The following SAMD5 variants were observed in gnomAD, a reference collection of about 807,000 sequenced individuals.
The protein encoded by SAMD5 is sterile alpha motif domain-containing protein 5.
In SAMD5, 13 loss-of-function variants were observed where a neutral mutation model predicts 11.3. That is an observed-to-expected ratio of 1.15 (90% confidence interval 0.75 to 1.83). The LOEUF (loss-of-function observed/expected upper bound fraction) is 1.83. SAMD5 is among the 40% of genes most tolerant of loss of function. SAMD5 has a pLI of 0.00. For missense variants in SAMD5, 255 were observed against 239.1 expected (o/e 1.07, Z -0.44); for synonymous variants, 129 against 111.3 (o/e 1.16, Z -1.00).
the SAMD5 span, among the ~76,000 whole-genome samples, chr6:147,893,871 A>ATCTTTG: frequency 6.6e-6 from 1 of 152,184 alleles, no homozygotes; most frequent in Admixed American, 6.5e-5. Context: ...CTCTAGATGT[A>ATCTTTG]AGTTTGCATA....
intron 1 of SAMD5, among the ~76,000 whole-genome samples, chr6:147,637,788 C>T (rs577449163): frequency 2.0e-5 from 3 of 152,074 alleles, no homozygotes; most frequent in African/African-American, 2.4e-5. Context: ...TTCAGGAAAA[C>T]GAATGGTAGG....
At chr6:147,841,682 G>A in the SAMD5 span, among the ~76,000 whole-genome samples, 332 of 152,242 alleles carry the variant, frequency 2.2e-3, 3 homozygotes, top group African/African-American at 7.6e-3. Flanking sequence ...TCTCTTTGTT[G>A]GAAAATCACA....
At chr6:147,625,627 C>T (rs192956007) in intron 1 of SAMD5, among the ~76,000 whole-genome samples, 32 of 152,244 alleles carry the variant, frequency 2.1e-4, no homozygotes. Flanking sequence ...GCAGCCTTAT[C>T]CCCAGTCAGC....
chr6:147,548,774 G>C (rs944079956), intron 1 of SAMD5, among the ~76,000 whole-genome samples: 1 of 152,130 alleles, frequency 6.6e-6, no homozygotes, highest in Non-Finnish European at 1.5e-5. Context: ...AGGGTTCCCT[G>C]AAGTGAATTG....
the SAMD5 span, among the ~76,000 whole-genome samples, chr6:147,767,471 A>G: frequency 6.7e-6 from 1 of 149,826 alleles, no homozygotes; most frequent in South Asian, 2.1e-4. Context: ...GTCTCCCCGA[A>G]ACTCTTATGT....
the SAMD5 span, among the ~76,000 whole-genome samples, chr6:147,827,820 C>T: frequency 2.0e-5 from 3 of 151,582 alleles, no homozygotes; most frequent in Non-Finnish European, 4.4e-5. Context: ...GACGGAGTCT[C>T]GCTCTGTGGC....
At chr6:147,793,055 C>G in the SAMD5 span, among the ~76,000 whole-genome samples, 1 of 152,158 alleles carries the variant, frequency 6.6e-6, no homozygotes, top group Non-Finnish European at 1.5e-5. Context: ...CATGTAGTGA[C>G]TTCCTTCCAA....
intron 1 of SAMD5, among the ~76,000 whole-genome samples, chr6:147,655,016 A>G (rs76748081): frequency 0.042 from 6,345 of 152,230 alleles, 438 homozygotes; most frequent in African/African-American, 0.14. Context: ...AGTTATCATC[A>G]TCAAGGCACC....
rs142656277 is a variant in SAMD5, at chr6:147,646,415, C to T, written c.163-90902C>T. On this transcript the variant is annotated intron_variant, in intron 1 of 1. Coordinates refer to the SAMD5 transcript ENST00000566741. ...AATCCTTCTTGACCTGTTCGGTTTC[C>T]ACTTATGTTTATTGGTAACTATCAC... Among the ~76,000 whole-genome samples, 95 of 150,442 alleles carry T rather than the reference C, an allele frequency of 6.3e-4. 2 individuals are homozygous for T. The East Asian group carries it at 0.018, about 29-fold the overall frequency.
chr6:147,716,176 A>C (rs1452152424), intron 1 of SAMD5, among the ~76,000 whole-genome samples: 1 of 152,142 alleles, frequency 6.6e-6, no homozygotes, highest in Non-Finnish European at 1.5e-5. Flanking sequence ...GGTTGCCCTT[A>C]GCACCACCTC....
chr6:147,818,100 C>T, the SAMD5 span, among the ~76,000 whole-genome samples: 1 of 152,202 alleles, frequency 6.6e-6, no homozygotes, highest in African/African-American at 2.4e-5. Flanking sequence ...CACAGGTGAA[C>T]ACATTCACAT....
chr6:147,794,731 A>G, the SAMD5 span, among the ~76,000 whole-genome samples: 2 of 152,314 alleles, frequency 1.3e-5, no homozygotes, highest in Non-Finnish European at 2.9e-5. Context: ...CCCTTGAGGC[A>G]CAGTAATACG....
chr6:147,534,384 T>C (rs942756845), intron 1 of SAMD5, among the ~76,000 whole-genome samples: 2 of 152,126 alleles, frequency 1.3e-5, no homozygotes, highest in Admixed American at 6.5e-5. Flanking sequence ...AAATGAATGG[T>C]TGGGGCAAGG....
intron 1 of SAMD5, among the ~76,000 whole-genome samples, chr6:147,686,149 G>A (rs747983847): frequency 3.9e-5 from 6 of 152,012 alleles, no homozygotes; most frequent in East Asian, 1.9e-4. Flanking sequence ...GCAAGTTTTC[G>A]TTTTTTATAG....
the SAMD5 span, among the ~76,000 whole-genome samples, chr6:147,801,015 T>C: frequency 6.6e-6 from 1 of 152,198 alleles, no homozygotes; most frequent in African/African-American, 2.4e-5. Context: ...AATACATGTA[T>C]TTTATTATAT....
intron 1 of SAMD5, among the ~76,000 whole-genome samples, chr6:147,680,874 A>G (rs1404583269): frequency 6.6e-6 from 1 of 152,080 alleles, no homozygotes; most frequent in African/African-American, 2.4e-5. Context: ...TTTCATTTTT[A>G]TGTATTACTG....
the SAMD5 span, among the ~76,000 whole-genome samples, chr6:147,793,711 T>G: frequency 5.3e-4 from 80 of 152,272 alleles, no homozygotes; most frequent in African/African-American, 1.9e-3. Flanking sequence ...AATACATACA[T>G]TTTTATAAAA....
At chr6:147,668,222 A>C (rs1038993047) in intron 1 of SAMD5, among the ~76,000 whole-genome samples, 4 of 152,218 alleles carry the variant, frequency 2.6e-5, no homozygotes, top group African/African-American at 9.6e-5. Context: ...ATCTATATAC[A>C]TACGCACATA....
chr6:147,530,144 T>C (rs1371801444), intron 1 of SAMD5, among the ~76,000 whole-genome samples: 2 of 152,240 alleles, frequency 1.3e-5, no homozygotes, highest in African/African-American at 4.8e-5. Flanking sequence ...AACAAACATA[T>C]TAGAGGTTTC....
Sources: allele counts gnomAD v4.1 joint callset (sites outside exome capture counted in the v4.1 genomes callset), GRCh38; gene constraint gnomAD v4.1.1; transcripts MANE v1.5; gene names NCBI Gene and HGNC (gene_info 2026-07-23, HGNC 2026-07-21).